The following ZFHX3 variants were observed in gnomAD, a reference collection of about 807,000 sequenced individuals.
The protein encoded by ZFHX3 is zinc finger homeobox 3, also known as zinc finger homeobox protein 3.
Under a neutral mutation model 279.1 loss-of-function variants are expected in ZFHX3, and 42 were observed. The ratio of observed to expected loss-of-function variants is 0.15; its 90% CI spans 0.12 to 0.19. ZFHX3 has a LOEUF of 0.19. Ranked by LOEUF, ZFHX3 falls within the 10% of genes least tolerant of loss-of-function variation. ZFHX3 has a pLI of 1.00. For missense variants in ZFHX3, 4,981 were observed against 4,754.0 expected, an observed-to-expected ratio of 1.05 and a Z score of -1.40; for synonymous variants, 2,293 against 1,957.8, an observed-to-expected ratio of 1.17 and a Z score of -4.52.
intron 3 of ZFHX3, among the ~76,000 whole-genome samples, chr16:72,925,909 A>C (rs1959425719): frequency 6.6e-6 from 1 of 152,196 alleles, no homozygotes; most frequent in South Asian, 2.1e-4. Context: ...CTCATTATAT[A>C]ACACATGTCA....
chr16:73,793,736 A>G (rs1260933413), intron 1 of ZFHX3, among the ~76,000 whole-genome samples: 1 of 152,204 alleles, frequency 6.6e-6, no homozygotes, highest in Non-Finnish European at 1.5e-5. Context: ...TAGGTTTGGA[A>G]TGAAGAGGAA....
Position 73,269,528 on chromosome 16 carries a change from A to G in ZFHX3, c.-1193-12392T>C, listed in dbSNP as rs75428604. On this transcript the variant is annotated intron_variant, in intron 4 of 17. Coordinates refer to the ZFHX3 transcript ENST00000641206. ...TTGTTTTATTGTTAAGTGGTATTTC[A>G]TGGCACGGATGTACTGTAGTTTATT... 1.2e-3 allele frequency among the ~76,000 whole-genome samples: 184 copies of G among 152,238 alleles called. 2 individuals carry two copies. In the East Asian group the frequency reaches 0.034, roughly 28 times the overall value.
intron 3 of ZFHX3, among the ~76,000 whole-genome samples, chr16:73,430,085 T>TA (rs1050277313): frequency 1.3e-5 from 2 of 152,080 alleles, no homozygotes; most frequent in Non-Finnish European, 2.9e-5. Flanking sequence ...AGACAGGGTC[T>TA]TGCTATGTTG....
chr16:72,875,021 AG>A (rs993703841), intron 4 of ZFHX3, among the ~76,000 whole-genome samples: 72 of 152,324 alleles, frequency 4.7e-4, no homozygotes, highest in African/African-American at 1.7e-3. Context: ...TTCCTCTGAA[AG>A]GGGGCTGCCT....
At chr16:73,256,865 AG>A in intron 5 of ZFHX3, among the ~76,000 whole-genome samples, 1 of 152,282 alleles carries the variant, frequency 6.6e-6, no homozygotes, top group South Asian at 2.1e-4. Context: ...CATGTACACA[AG>A]TAAGTAGGAA....
intron 5 of ZFHX3, among the ~76,000 whole-genome samples, chr16:73,192,738 C>T (rs1050482105): frequency 1.3e-5 from 2 of 152,170 alleles, no homozygotes; most frequent in African/African-American, 4.8e-5. Context: ...ACCTCATGCG[C>T]TGGTGCTTTA....
intron 3 of ZFHX3, chr16:73,389,299 G>C (rs1373157976): frequency 6.6e-6 from 1 of 152,088 alleles, no homozygotes; most frequent in Non-Finnish European, 1.5e-5. Context: ...TTTTGCACTA[G>C]AACGGGGTGG....
At chr16:72,945,913 T>A (rs1353640310) in intron 3 of ZFHX3, among the ~76,000 whole-genome samples, 1 of 152,036 alleles carries the variant, frequency 6.6e-6, no homozygotes, top group Non-Finnish European at 1.5e-5. Flanking sequence ...AGACCCCCAC[T>A]TCCCCCCAGC....
rs1462917094 is a variant in ZFHX3, at chr16:72,798,248, G to A, written c.4434C>T (p.Asp1478=). 12 of 1,614,046 alleles carry A rather than the reference G, an allele frequency of 7.4e-6. No individual in the cohort carries two copies. In the East Asian group the frequency reaches 2.0e-4, roughly 27 times the overall value. Residue 1478 remains aspartate (D), a synonymous_variant, in exon 9 of 10, where the codon GAC becomes GAT. Coordinates refer to ENST00000268489, the MANE Select transcript of ZFHX3 (RefSeq NM_006885.4). ...TGGTATGGTCCTCTGCCAGAGTGGG[G>A]TCTCCCATTGCCAGGAGGTCCCCAT... The part of the protein sequence containing the change: ...LANGDLLAMG[D]PTLAEDHTII...
intron 1 of ZFHX3, among the ~76,000 whole-genome samples, chr16:72,986,205 A>T (rs1962834469): frequency 6.6e-6 from 1 of 151,872 alleles, no homozygotes; most frequent in Admixed American, 6.6e-5. Flanking sequence ...CTCCACCCTC[A>T]CCCTGCCCCC....
At chr16:72,849,422 G>A (rs1399124336) in intron 4 of ZFHX3, among the ~76,000 whole-genome samples, 1 of 152,152 alleles carries the variant, frequency 6.6e-6, no homozygotes, top group African/African-American at 2.4e-5. Context: ...AGGTTGAAAT[G>A]TGCTTACGTT....
intron 2 of ZFHX3, among the ~76,000 whole-genome samples, chr16:73,527,983 AG>A (rs1204423513): frequency 6.6e-6 from 1 of 152,208 alleles, no homozygotes; most frequent in Non-Finnish European, 1.5e-5. Flanking sequence ...TAAATCTTGG[AG>A]TAATTTGTTA....
intron 1 of ZFHX3, among the ~76,000 whole-genome samples, chr16:73,773,605 C>CAG (rs894667799): frequency 6.6e-6 from 1 of 152,146 alleles, no homozygotes; most frequent in African/African-American, 2.4e-5. Context: ...AGGAAAGGGA[C>CAG]AGAGAGAGGG....
intron 5 of ZFHX3, among the ~76,000 whole-genome samples, chr16:73,239,893 G>A (rs528303152): frequency 7.6e-4 from 115 of 152,250 alleles, no homozygotes; most frequent in African/African-American, 2.6e-3. Flanking sequence ...AGTGAATACC[G>A]AACCATCGCT....
intron 4 of ZFHX3, among the ~76,000 whole-genome samples, chr16:73,316,902 A>C (rs1461606556): frequency 1.3e-5 from 2 of 152,202 alleles, no homozygotes; most frequent in African/African-American, 4.8e-5. Flanking sequence ...AATGCTTGCC[A>C]GTGTTTCCTG....
intron 3 of ZFHX3, among the ~76,000 whole-genome samples, chr16:72,938,127 TG>T (rs1484558268): frequency 2.6e-5 from 4 of 152,218 alleles, no homozygotes; most frequent in Non-Finnish European, 5.9e-5. Flanking sequence ...GTGACACCCG[TG>T]TGGGGCAGAG....
At chr16:73,446,847 C>T (rs923621337) in intron 3 of ZFHX3, among the ~76,000 whole-genome samples, 15 of 151,948 alleles carry the variant, frequency 9.9e-5, no homozygotes, top group African/African-American at 4.8e-5. Flanking sequence ...ACAAGTTTAC[C>T]TATATAATAA....
At chr16:72,800,313 T>A (rs921833814) in intron 7 of ZFHX3, among the ~76,000 whole-genome samples, 184 bp from the exon 8 acceptor site, 1 of 152,254 alleles carries the variant, frequency 6.6e-6, no homozygotes, top group Non-Finnish European at 1.5e-5. Flanking sequence ...AAAGTGTTTC[T>A]ACGGTTACAT....
At chr16:73,777,006 T>G (rs977591600) in intron 1 of ZFHX3, among the ~76,000 whole-genome samples, 3 of 152,206 alleles carry the variant, frequency 2.0e-5, no homozygotes, top group Non-Finnish European at 4.4e-5. Context: ...GGATTACTCT[T>G]CATCTTCTCC....
Sources: gnomAD v4.1 joint callset for allele counts (sites outside exome capture counted in the v4.1 genomes callset) on GRCh38, gnomAD v4.1.1 for gene constraint, MANE v1.5 for transcripts, NCBI Gene and HGNC (gene_info 2026-07-23, HGNC 2026-07-21) for gene names.